Variants in SCAPER observed in about 807,000 individuals in gnomAD.
The protein encoded by SCAPER is S phase cyclin A-associated protein in the endoplasmic reticulum.
In SCAPER, 98 loss-of-function variants were observed where a neutral mutation model predicts 182.2. The ratio of observed to expected loss-of-function variants is 0.54; its 90% CI spans 0.46 to 0.64. The LOEUF (loss-of-function observed/expected upper bound fraction) is 0.64. Among genes scored for constraint, SCAPER ranks in the 30% least tolerant of loss-of-function variants. SCAPER has a pLI of 0.00. For missense variants in SCAPER, 1,432 were observed against 1,690.0 expected, an observed-to-expected ratio of 0.85 and a Z score of 2.68; for synonymous variants, 605 against 564.6, an observed-to-expected ratio of 1.07 and a Z score of -1.01.
intron 20 of SCAPER, among the ~76,000 whole-genome samples, chr15:76,666,311 G>A (rs888110827): frequency 5.3e-5 from 8 of 152,138 alleles, no homozygotes; most frequent in African/African-American, 1.9e-4. Flanking sequence ...GAAAAAGAAG[G>A]TCATCTCAGA....
intron 17 of SCAPER, among the ~76,000 whole-genome samples, chr15:76,708,943 A>C (rs905924666): frequency 3.3e-5 from 5 of 151,904 alleles, no homozygotes; most frequent in African/African-American, 4.8e-5. Flanking sequence ...ACACATGCCT[A>C]TCATCCCAGC....
intron 15 of SCAPER, among the ~76,000 whole-genome samples, chr15:76,747,612 T>C (rs1411580101): frequency 1.3e-5 from 2 of 152,096 alleles, no homozygotes; most frequent in Non-Finnish European, 2.9e-5. Context: ...CATGAATAGA[T>C]TAATGCCCTC....
chr15:76,404,189 G>A (rs1489555768), intron 27 of SCAPER, among the ~76,000 whole-genome samples: 2 of 152,002 alleles, frequency 1.3e-5, no homozygotes, highest in Non-Finnish European at 2.9e-5. Context: ...GGCTTGGTCT[G>A]GTCTAGGCTT....
At chr15:76,499,184 G>C (rs994100954) in intron 24 of SCAPER, among the ~76,000 whole-genome samples, 7 of 152,246 alleles carry the variant, frequency 4.6e-5, no homozygotes, top group African/African-American at 1.7e-4. Context: ...TTTAAAGATA[G>C]ACTAAAGAAG....
intron 21 of SCAPER, among the ~76,000 whole-genome samples, chr15:76,648,843 T>A (rs1195760427): frequency 1.3e-5 from 2 of 152,156 alleles, no homozygotes; most frequent in Non-Finnish European, 2.9e-5. Flanking sequence ...AACATGGAGG[T>A]TCCCTCTTCC....
chr15:76,384,102 T>A (rs1488871784), intron 27 of SCAPER, among the ~76,000 whole-genome samples: 1 of 152,268 alleles, frequency 6.6e-6, no homozygotes, highest in East Asian at 1.9e-4. Context: ...CTGAGTTTAT[T>A]ATATAGGTTC....
At chr15:76,760,241 G>A (rs1022168016) in intron 14 of SCAPER, among the ~76,000 whole-genome samples, 2 of 152,116 alleles carry the variant, frequency 1.3e-5, no homozygotes, top group Non-Finnish European at 2.9e-5. Context: ...CCATACTTCT[G>A]ACAAACCAGC....
intron 29 of SCAPER, among the ~76,000 whole-genome samples, chr15:76,362,841 G>A (rs1011175980): frequency 1.3e-5 from 2 of 152,200 alleles, no homozygotes; most frequent in African/African-American, 4.8e-5. Flanking sequence ...AAATGGTCAA[G>A]TTCTCTTTTA....
rs77012957 is a variant in SCAPER at position 76,509,605 on chromosome 15, T to C, written c.2839-4631A>G. Among the ~76,000 whole-genome samples the C allele has an allele frequency of 2.3e-4, 35 of 152,236 alleles. No homozygotes were observed. In the East Asian group the frequency reaches 6.8e-3, roughly 29 times the overall value. On this transcript the variant is annotated intron_variant, in intron 23 of 31. Coordinates refer to ENST00000563290, the MANE Select transcript of SCAPER (RefSeq NM_020843.4). Reference sequence around the variant, plus strand: ...AACAAATGGGAAAAAATGTACTAAGTAGAAGGCCACATTTTAAAATAGTGT... The same window carrying C: ...AACAAATGGGAAAAAATGTACTAAGCAGAAGGCCACATTTTAAAATAGTGT...
intron 22 of SCAPER, among the ~76,000 whole-genome samples, chr15:76,598,025 T>C (rs2049634924): frequency 8.4e-6 from 1 of 118,918 alleles, no homozygotes; most frequent in African/African-American, 2.6e-5. Flanking sequence ...ACCTACAGAA[T>C]GGGAGAAAAT....
chr15:76,582,773 T>C (rs866489849), intron 22 of SCAPER, among the ~76,000 whole-genome samples: 14 of 152,270 alleles, frequency 9.2e-5, no homozygotes, highest in Middle Eastern at 3.4e-3. Flanking sequence ...TGGAATACAA[T>C]AGAGAATCTA....
intron 25 of SCAPER, among the ~76,000 whole-genome samples, chr15:76,465,418 G>A (rs1449453528): frequency 6.6e-6 from 1 of 152,064 alleles, no homozygotes; most frequent in African/African-American, 2.4e-5. Context: ...CCATCACAGT[G>A]GTGATTAGGT....
intron 2 of SCAPER, among the ~76,000 whole-genome samples, chr15:76,873,924 C>T (rs2072965874): frequency 1.3e-5 from 2 of 150,644 alleles, no homozygotes; most frequent in African/African-American, 2.4e-5. Context: ...GATGGAATCT[C>T]GTTCTGTTGC....
intron 24 of SCAPER, among the ~76,000 whole-genome samples, chr15:76,478,983 T>C (rs1029071572): frequency 2.0e-5 from 3 of 152,206 alleles, no homozygotes; most frequent in African/African-American, 7.2e-5. Flanking sequence ...TCAAATCTTT[T>C]GTGCGTTATC....
chr15:76,665,985 T>C lies in SCAPER; in HGVS notation c.2509-196A>G, dbSNP rs532959738. Among the ~76,000 whole-genome samples, 7 of 152,300 alleles carry C rather than the reference T, an allele frequency of 4.6e-5. No individual in the cohort carries two copies. In the South Asian group the frequency reaches 1.4e-3, roughly 32 times the overall value. On this transcript the variant is annotated intron_variant, in intron 20 of 31. Transcript: ENST00000563290. ...AAGGATTTTACATCACTGACTTCAC[T>C]TCATTGCATATCAATTGTGCCAATG...
rs2063149237 is a variant in SCAPER, at chr15:76,766,865, T to C, written c.1419+53A>G. Reference sequence around the variant, plus strand: ...CCAAGTCTTTCTGGCCCAGATAATTTTGTTTCTAAATATAAATTTTGAATA... The same window carrying C: ...CCAAGTCTTTCTGGCCCAGATAATTCTGTTTCTAAATATAAATTTTGAATA... On this transcript the variant is annotated intron_variant, in intron 11 of 31. Transcript: ENST00000563290. The C allele has an allele frequency of 5.5e-6, 8 of 1,467,240 alleles. No homozygotes were observed. The East Asian group carries it at 1.9e-4, about 34-fold the overall frequency. The allele number at this position is 1,467,240 out of a possible 1,614,324, so 90.9% of individuals were successfully genotyped here. A position where few individuals can be genotyped will look rare whatever the true frequency, so the allele number is the denominator to read the frequency against.
chr15:76,674,623 A>G (rs545033100), intron 20 of SCAPER, among the ~76,000 whole-genome samples: 1 of 152,326 alleles, frequency 6.6e-6, no homozygotes, highest in Non-Finnish European at 1.5e-5. Flanking sequence ...AAGGGAGGGC[A>G]TACCTGAAGA....
chr15:76,511,871 G>GTGTGTGTGTGTGTGTA (rs1254821810), intron 23 of SCAPER, among the ~76,000 whole-genome samples: 1 of 100,692 alleles, frequency 9.9e-6, no homozygotes, highest in East Asian at 3.4e-4. Flanking sequence ...GTGTGTGTGT[G>GTGTGTGTGTGTGTGTA]TATATATATA....
At chr15:76,855,839 G>A (rs897456693) in intron 4 of SCAPER, 12 of 434,014 alleles carry the variant, frequency 2.8e-5, no homozygotes, top group African/African-American at 4.0e-5. Flanking sequence ...AAATTAGTTC[G>A]GCCATTATGG....
Sources: gnomAD v4.1 joint callset for allele counts (sites outside exome capture counted in the v4.1 genomes callset) on GRCh38, gnomAD v4.1.1 for gene constraint, MANE v1.5 for transcripts, NCBI Gene and HGNC (gene_info 2026-07-23, HGNC 2026-07-21) for gene names.